Variants in NLGN4X observed in about 807,000 individuals in gnomAD.
The protein encoded by NLGN4X is neuroligin 4 X-linked, also known as neuroligin-4, X-linked.
A neutral mutation model predicts 40.3 loss-of-function variants in NLGN4X; 3 were observed. That is an observed-to-expected ratio of 0.07 (90% CI 0.03 to 0.19). The LOEUF (loss-of-function observed/expected upper bound fraction) is 0.19. Among genes scored for constraint, NLGN4X ranks in the 10% least tolerant of loss-of-function variants. The probability of loss-of-function intolerance (pLI) is 1.00; values close to 1 mark genes in which losing one functional copy is unlikely to be tolerated. For missense variants in NLGN4X, 382 were observed against 708.3 expected, an observed-to-expected ratio of 0.54 and a Z score of 5.23; for synonymous variants, 270 against 306.8, an observed-to-expected ratio of 0.88 and a Z score of 1.25.
chrX:6,089,853 G>A (rs2038594380), intron 2 of NLGN4X, among the ~76,000 whole-genome samples: 1 of 111,968 alleles, frequency 8.9e-6, no homozygotes, highest in Admixed American at 9.5e-5. Context: ...GATATGGCCT[G>A]GGACAAGCTG....
intron 2 of NLGN4X, among the ~76,000 whole-genome samples, chrX:6,056,408 G>A (rs2037629914): frequency 9.1e-6 from 1 of 110,443 alleles, no homozygotes. Flanking sequence ...CCTGGGAGGC[G>A]GAGGTTGTAG....
At chrX:5,908,393 A>T (rs948327895) in intron 4 of NLGN4X, among the ~76,000 whole-genome samples, 1 of 111,519 alleles carries the variant, frequency 9.0e-6, no homozygotes, top group Non-Finnish European at 1.9e-5. Flanking sequence ...TGTGGCTAAA[A>T]GCCCTGATGG....
intron 2 of NLGN4X, among the ~76,000 whole-genome samples, chrX:6,048,338 C>A (rs1467191219): frequency 9.0e-6 from 1 of 111,501 alleles, no homozygotes; most frequent in African/African-American, 3.3e-5. Flanking sequence ...GGATAATTCA[C>A]TCTAAGAAAT....
At chrX:5,953,546 T>G (rs930035068) in intron 3 of NLGN4X, among the ~76,000 whole-genome samples, 2 of 111,890 alleles carry the variant, frequency 1.8e-5, no homozygotes, top group African/African-American at 6.5e-5. Flanking sequence ...TATTACACAT[T>G]GTATGCCTGT....
intron 3 of NLGN4X, among the ~76,000 whole-genome samples, chrX:5,950,553 T>C (rs2034273502): frequency 8.9e-6 from 1 of 112,043 alleles, no homozygotes; most frequent in East Asian, 2.8e-4. Context: ...TTTCCTCACA[T>C]AAATAACCAA....
At chrX:6,046,807 CAT>C (rs1049189722) in intron 2 of NLGN4X, among the ~76,000 whole-genome samples, 2 of 106,837 alleles carry the variant, frequency 1.9e-5, no homozygotes, top group African/African-American at 3.4e-5. Context: ...CACATAAACA[CAT>C]ATATACACAC....
At chrX:6,048,981 C>T in intron 2 of NLGN4X, among the ~76,000 whole-genome samples, 1 of 106,664 alleles carries the variant, frequency 9.4e-6, no homozygotes, top group Non-Finnish European at 1.9e-5. Context: ...ATGTCCTGCA[C>T]ATGGATCCCA....
rs763253107 is a variant in NLGN4X at position 5,914,624 on chromosome X, A to G, written c.626-5385T>C. ...ATATATATAATATATGTATGTATAT[A>G]TATATATATATGCATATATAACCAT... On this transcript the variant is annotated intron_variant, in intron 3 of 5. Transcript: ENST00000381095. Among the ~76,000 whole-genome samples, 149 of 108,184 alleles carry G rather than the reference A, an allele frequency of 1.4e-3. 2 individuals carry two copies. In the East Asian group the frequency reaches 0.014, roughly 10 times the overall value. The allele number at this position is 108,184 out of a possible 115,157, so 93.9% of individuals were successfully genotyped here.
chrX:6,217,281 A>G (rs1925166516), intron 1 of NLGN4X, among the ~76,000 whole-genome samples: 1 of 112,343 alleles, frequency 8.9e-6, no homozygotes, highest in African/African-American at 3.2e-5. Context: ...TGGTCTAGAA[A>G]GAAACAATTT....
At chrX:6,056,194 G>A (rs2037619952) in intron 2 of NLGN4X, among the ~76,000 whole-genome samples, 1 of 111,896 alleles carries the variant, frequency 8.9e-6, no homozygotes, top group African/African-American at 3.2e-5. Flanking sequence ...AACAAAAACA[G>A]GCCAGGGGTG....
At chrX:6,048,593 C>T (rs746536462) in intron 2 of NLGN4X, among the ~76,000 whole-genome samples, 56 of 111,775 alleles carry the variant, frequency 5.0e-4, no homozygotes, top group African/African-American at 1.8e-3. Context: ...TGGAATCAAC[C>T]CAAATGCCCA....
intron 2 of NLGN4X, among the ~76,000 whole-genome samples, chrX:6,110,778 T>A (rs1266842834): frequency 8.9e-6 from 1 of 112,057 alleles, no homozygotes; most frequent in Admixed American, 9.5e-5. Context: ...AACAAATTTT[T>A]GAGTGTCTCC....
intron 1 of NLGN4X, among the ~76,000 whole-genome samples, chrX:6,206,167 T>C (rs1368979523): frequency 2.7e-5 from 3 of 111,327 alleles, no homozygotes. Flanking sequence ...CATGGAGCAG[T>C]GGAGTCTCTA....
At chrX:6,118,664 T>A (rs1602263728) in intron 2 of NLGN4X, among the ~76,000 whole-genome samples, 1 of 111,708 alleles carries the variant, frequency 9.0e-6, no homozygotes, top group Non-Finnish European at 1.9e-5. Flanking sequence ...TACCCACAGA[T>A]CCTTAGAGCT....
At chrX:5,964,401 C>G (rs1467154789) in intron 3 of NLGN4X, among the ~76,000 whole-genome samples, 1 of 111,972 alleles carries the variant, frequency 8.9e-6, no homozygotes, top group Non-Finnish European at 1.9e-5. Flanking sequence ...AAAATAAGAA[C>G]TAGCCGACAC....
chrX:6,102,113 T>C (rs898480553), intron 2 of NLGN4X, among the ~76,000 whole-genome samples: 4 of 111,566 alleles, frequency 3.6e-5, no homozygotes, highest in African/African-American at 1.3e-4. Context: ...CCTGGCCTAA[T>C]TGTACATTTT....
At chrX:5,894,885 G>C (rs2031404823) in intron 5 of NLGN4X, among the ~76,000 whole-genome samples, 1 of 112,360 alleles carries the variant, frequency 8.9e-6, no homozygotes, top group South Asian at 3.7e-4. Flanking sequence ...GAGATGTGAT[G>C]TGCAGAACCA....
intron 3 of NLGN4X, among the ~76,000 whole-genome samples, chrX:5,991,223 A>G (rs944828184): frequency 5.4e-5 from 6 of 111,108 alleles, no homozygotes; most frequent in African/African-American, 1.6e-4. Flanking sequence ...TAGAAAAAGT[A>G]AGAAAAAATG....
intron 1 of NLGN4X, among the ~76,000 whole-genome samples, chrX:6,210,972 G>A (rs1924555446): frequency 8.9e-6 from 1 of 112,093 alleles, no homozygotes; most frequent in Admixed American, 9.5e-5. Context: ...TTAGAGCAAC[G>A]TACAGACATA....
Sources: allele counts gnomAD v4.1 joint callset (sites outside exome capture counted in the v4.1 genomes callset), GRCh38; gene constraint gnomAD v4.1.1; transcripts MANE v1.5; gene names NCBI Gene and HGNC (gene_info 2026-07-23, HGNC 2026-07-21).